SLC1A1: variants seen among roughly 807,000 people sequenced by gnomAD.
SLC1A1 encodes the protein solute carrier family 1 member 1.
A neutral mutation model predicts 53.3 loss-of-function variants in SLC1A1; 43 were observed. The ratio of observed to expected loss-of-function variants is 0.81; its 90% confidence interval spans 0.63 to 1.04. The LOEUF (loss-of-function observed/expected upper bound fraction) is 1.04, where lower values mean the gene tolerates loss of function less well. Ranked by LOEUF, SLC1A1 falls within the 50% of genes least tolerant of loss-of-function variation. The pLI is 0.00. For synonymous variants in SLC1A1, 307 were observed against 243.2 expected, an observed-to-expected ratio of 1.26 and a Z score of -2.44; for missense variants, 748 against 664.9, an observed-to-expected ratio of 1.12 and a Z score of -1.37.
rs545792102 is a variant in SLC1A1 at position 4,556,811 on chromosome 9, G to C, written c.233-4638G>C. Among the ~76,000 whole-genome samples the C allele has an allele frequency of 6.6e-6, 1 of 152,180 alleles. No individual in the cohort carries two copies. The highest frequency in any genetic ancestry group is 1.5e-5 in the Non-Finnish European group (1 of 67,990). ...GGGGAGAAAATCTTACTCTTTTTAT[G>C]TAAAAAAACACATGTATCATTTACT... On this transcript the variant is annotated intron_variant, in intron 2 of 11. Transcript: ENST00000262352. The surrounding 1 kb of genome is among the most constrained non-coding windows in gnomAD (Gnocchi z 4.1).
chr9:4,494,289 T>C (rs1034455759), intron 1 of SLC1A1, among the ~76,000 whole-genome samples: 1 of 131,784 alleles, frequency 7.6e-6, no homozygotes, highest in Non-Finnish European at 1.8e-5. Flanking sequence ...ATCTGGAAAT[T>C]GGAGATATTA....
chr9:4,532,886 A>G (rs1323861916), intron 1 of SLC1A1, among the ~76,000 whole-genome samples: 1 of 152,226 alleles, frequency 6.6e-6, no homozygotes, highest in East Asian at 1.9e-4. Context: ...TCTACAAGCC[A>G]GAAGAGAGTG....
At chr9:4,497,329 G>A (rs1033495595) in intron 1 of SLC1A1, among the ~76,000 whole-genome samples, 4 of 152,192 alleles carry the variant, frequency 2.6e-5, no homozygotes, top group Non-Finnish European at 5.9e-5. Context: ...TAGAGCCTCT[G>A]CTTCTAACCA....
In SLC1A1 at chr9:4,583,138, G is replaced by T. The variant is rs1217619901; in HGVS notation, c.1294G>T (p.Asp432Tyr). The change falls in exon 11 of 12, where the codon GAT becomes TAT. Residue 432 changes from aspartate (D) to tyrosine (Y), a missense_variant. By Grantham distance (160) the Asp-to-Tyr change is radical. Coordinates refer to ENST00000262352, the MANE Select transcript of SLC1A1 (RefSeq NM_004170.6). This position sits in a 1 kb window ranked among gnomAD's most constrained non-coding sequence, Gnocchi z 4.6. ...GAGTGCCGTGGGCCTGCCCGCCGAG[G>T]ATGTCACCCTGATCATTGCTGTCGA... is the stretch of plus-strand genomic sequence containing the variant. Reference protein sequence around the residue: ...VLSAVGLPAEDVTLIIAVDWL... With the variant: ...VLSAVGLPAEYVTLIIAVDWL... 1.2e-6 allele frequency: 2 copies of T among 1,614,248 alleles called. No homozygotes were observed. Among genetic ancestry groups the T allele is most frequent in the Non-Finnish European group, 1.7e-6 (2 of 1,180,050 alleles).
At chr9:4,567,641 C>T in intron 5 of SLC1A1, 28 bp from the exon 6 acceptor site, 2 of 1,492,166 alleles carry the variant, frequency 1.3e-6, no homozygotes, top group South Asian at 1.1e-5. Context: ...TTTTTGTTTG[C>T]TTGTCCTTGA....
At chr9:4,544,527 A>C (rs771713841) in intron 1 of SLC1A1, 40 bp from the exon 2 acceptor site, 17 of 1,599,338 alleles carry the variant, frequency 1.1e-5, no homozygotes, top group Non-Finnish European at 1.5e-5. Context: ...AGAACTCAAT[A>C]ATGTTCCTCT....
intron 1 of SLC1A1, among the ~76,000 whole-genome samples, chr9:4,526,233 A>G (rs1449184063): frequency 1.3e-5 from 2 of 152,248 alleles, no homozygotes; most frequent in Non-Finnish European, 2.9e-5. Context: ...TTAGATGGAA[A>G]GAATTTATTA....
At chr9:4,515,257 A>G (rs539307277) in intron 1 of SLC1A1, among the ~76,000 whole-genome samples, 1 of 152,252 alleles carries the variant, frequency 6.6e-6, no homozygotes, top group South Asian at 2.1e-4. Context: ...TTGTCTATCA[A>G]GGTGATCACG....
At chr9:4,510,908 T>C (rs1820978694) in intron 1 of SLC1A1, among the ~76,000 whole-genome samples, 1 of 152,162 alleles carries the variant, frequency 6.6e-6, no homozygotes, top group Non-Finnish European at 1.5e-5. Context: ...CGTAAACAAA[T>C]TGAGAGTTAG....
In SLC1A1 at chr9:4,544,617, G is replaced by C. The variant is rs775970429; in HGVS notation, c.142G>C (p.Glu48Gln). The C allele has an allele frequency of 6.8e-6, 11 of 1,613,526 alleles. No homozygotes were observed. In the South Asian group the frequency reaches 1.1e-4, roughly 16 times the overall value. The stretch of plus-strand genomic sequence containing the variant: ...AGAACACAGCAACCTCTCAACTCTA[G>C]AGAAATTCTACTTTGCTTTTCCTGG... ...VREHSNLSTLEKFYFAFPGEI... is the reference protein window; with the variant it reads ...VREHSNLSTLQKFYFAFPGEI... Residue 48 changes from glutamate (E) to glutamine (Q), a missense_variant, in exon 2 of 12, where the codon GAG becomes CAG. Physicochemically the swap from Glu to Gln is conservative, Grantham distance 29 (BLOSUM62 2). Coordinates refer to ENST00000262352, the MANE Select transcript of SLC1A1 (RefSeq NM_004170.6).
intron 1 of SLC1A1, among the ~76,000 whole-genome samples, chr9:4,492,197 C>G (rs567485629): frequency 2.6e-5 from 4 of 152,056 alleles, no homozygotes; most frequent in East Asian, 3.9e-4. Context: ...TTATCCTACT[C>G]TACCATATTT....
At chr9:4,536,621 G>A (rs1816684545) in intron 1 of SLC1A1, among the ~76,000 whole-genome samples, 1 of 152,210 alleles carries the variant, frequency 6.6e-6, no homozygotes, top group Non-Finnish European at 1.5e-5. Context: ...CAACCATTGT[G>A]GAAGTCAGTG....
At chr9:4,539,458 G>T (rs1816823450) in intron 1 of SLC1A1, among the ~76,000 whole-genome samples, 1 of 152,162 alleles carries the variant, frequency 6.6e-6, no homozygotes, top group African/African-American at 2.4e-5. Flanking sequence ...TGGAAGAAAT[G>T]ATATTCTGTG....
At chr9:4,501,759 C>T (rs753427070) in intron 1 of SLC1A1, among the ~76,000 whole-genome samples, 3 of 150,086 alleles carry the variant, frequency 2.0e-5, no homozygotes, top group Non-Finnish European at 4.4e-5. Flanking sequence ...AGCTAAACTC[C>T]ATCTCCAAAA....
chr9:4,579,012 T>G (rs1230594848), intron 10 of SLC1A1, among the ~76,000 whole-genome samples: 1 of 152,228 alleles, frequency 6.6e-6, no homozygotes, highest in Non-Finnish European at 1.5e-5. Flanking sequence ...AAATCAGAGT[T>G]TGTTAACTAA....
intron 1 of SLC1A1, among the ~76,000 whole-genome samples, chr9:4,529,021 A>G (rs968799081): frequency 3.3e-5 from 5 of 152,150 alleles, no homozygotes; most frequent in Admixed American, 3.3e-4. Flanking sequence ...TTTCTTCCTC[A>G]TCTCTACTGC....
At position 4,506,570 on chromosome 9, in the gene SLC1A1, A is replaced by G. The variant is rs867137442; in HGVS notation, c.91+15800A>G. Among the ~76,000 whole-genome samples the G allele has an allele frequency of 3.9e-3, 262 of 67,590 alleles. 2 individuals carry two copies. Among genetic ancestry groups the G allele is most frequent in the African/African-American group, 0.013 (251 of 19,342 alleles). The allele number at this position is 67,590 out of a possible 152,430, so 44.3% of individuals were successfully genotyped here. ...ATCTCCAACTAGCTTATTTATTTTGAAAAAAAAAAATAGAAATCTACGTCT... is the reference window on the plus strand; with the variant it reads ...ATCTCCAACTAGCTTATTTATTTTGGAAAAAAAAAATAGAAATCTACGTCT... On this transcript the variant is annotated intron_variant, in intron 1 of 11. Coordinates refer to ENST00000262352, the MANE Select transcript of SLC1A1 (RefSeq NM_004170.6).
At chr9:4,516,829 G>T (rs1821176743) in intron 1 of SLC1A1, among the ~76,000 whole-genome samples, 1 of 152,176 alleles carries the variant, frequency 6.6e-6, no homozygotes, top group Non-Finnish European at 1.5e-5. Context: ...GGTCAGAGAA[G>T]TATAAATTCT....
chr9:4,518,207 C>T (rs1312351624), intron 1 of SLC1A1, among the ~76,000 whole-genome samples: 2 of 128,400 alleles, frequency 1.6e-5, no homozygotes, highest in Non-Finnish European at 3.1e-5. Context: ...TGCACTCCAG[C>T]CTAGGTGAAA....
Sources: allele counts gnomAD v4.1 joint callset (sites outside exome capture counted in the v4.1 genomes callset), GRCh38; gene constraint gnomAD v4.1.1; non-coding constraint Gnocchi (gnomAD v3.1); transcripts MANE v1.5; gene names NCBI Gene and HGNC (gene_info 2026-07-23, HGNC 2026-07-21).